PAPPA: variants seen among roughly 807,000 people sequenced by gnomAD.
PAPPA encodes the protein pappalysin 1.
Under a neutral mutation model 164.0 loss-of-function variants are expected in PAPPA, and 60 were observed. That is an observed-to-expected ratio of 0.37 (90% CI 0.30 to 0.45). PAPPA has a LOEUF of 0.45. Ranked by LOEUF, PAPPA falls within the 20% of genes least tolerant of loss-of-function variation. The pLI, the probability that PAPPA is intolerant of heterozygous loss-of-function variation, is 1.00. For synonymous variants in PAPPA, 875 were observed against 814.1 expected (o/e 1.07, Z -1.27); for missense variants, 1,782 against 2,087.3 (o/e 0.85, Z 2.85).
rs1843996981 is a variant in PAPPA, at chr9:116,187,989, C to G, written c.1251C>G (p.Ser417Arg). ...TCATCCTGGCCAACTGTGACATCAG[C>G]AAGATTGGGGATGAGAACTGTGACC... is the stretch of plus-strand genomic sequence containing the variant. ...RRLILANCDI[S>R]KIGDENCDPE... The change falls in exon 2 of 22, where the codon AGC (serine) becomes AGG (arginine). Residue 417 changes from serine (S) to arginine (R), a missense_variant. Transcript: ENST00000328252. This position sits in a 1 kb window ranked among gnomAD's most constrained non-coding sequence, Gnocchi z 4.2. 6.2e-7 allele frequency: 1 copy of G among 1,614,168 alleles called. No individual in the cohort carries two copies. Among genetic ancestry groups the G allele is most frequent in the Non-Finnish European group, 8.5e-7 (1 of 1,180,030 alleles).
chr9:116,174,891 G>A (rs1843813607), intron 1 of PAPPA, among the ~76,000 whole-genome samples: 1 of 152,082 alleles, frequency 6.6e-6, no homozygotes, highest in African/African-American at 2.4e-5. Flanking sequence ...AAGATTAATA[G>A]TGGCAAATTA....
At chr9:116,224,300 A>G (rs1320595937) in intron 5 of PAPPA, among the ~76,000 whole-genome samples, 2 of 152,164 alleles carry the variant, frequency 1.3e-5, no homozygotes, top group Non-Finnish European at 2.9e-5. Flanking sequence ...GGGTTGTTTC[A>G]GTTATCTGAC....
At chr9:116,310,839 T>C (rs963097705) in intron 10 of PAPPA, among the ~76,000 whole-genome samples, 5 of 152,166 alleles carry the variant, frequency 3.3e-5, no homozygotes, top group African/African-American at 1.2e-4. Flanking sequence ...TGTGAGACTT[T>C]AAGCAAGTCA....
intron 16 of PAPPA, 131 bp downstream of exon 16, chr9:116,353,047 G>C: frequency 1.3e-6 from 1 of 742,272 alleles, no homozygotes; most frequent in Non-Finnish European, 2.4e-6. Flanking sequence ...TCTGTTCTGT[G>C]AGAAGCTAGA....
At position 116,362,517 on chromosome 9, in the gene PAPPA, T is replaced by C. The variant is rs540591106; in HGVS notation, c.4348-75T>C. On this transcript the variant is annotated intron_variant, in intron 17 of 21. Transcript: ENST00000328252. Reference sequence around the variant, plus strand: ...TCTGGAGAGATGAAAAATTCTTTTCTGTTGTATTCAGAATAGCTTATTCAA... The same window carrying C: ...TCTGGAGAGATGAAAAATTCTTTTCCGTTGTATTCAGAATAGCTTATTCAA... 18 of 1,467,510 alleles carry C rather than the reference T, an allele frequency of 1.2e-5. No homozygotes were observed. In the African/African-American group the frequency reaches 2.0e-4, roughly 16 times the overall value. 90.9% of individuals were successfully genotyped at this position (1,467,510 alleles called of 1,614,324 possible). A position where few individuals can be genotyped will look rare whatever the true frequency, so the allele number is the denominator to read the frequency against.
At chr9:116,297,597 C>A (rs956773969) in intron 9 of PAPPA, among the ~76,000 whole-genome samples, 3 of 152,196 alleles carry the variant, frequency 2.0e-5, no homozygotes, top group Non-Finnish European at 2.9e-5. Context: ...GTGTTGAAAT[C>A]ATTCCAATGT....
chr9:116,186,206 A>ATGTGTGTGTGTG (rs3037575), intron 1 of PAPPA, among the ~76,000 whole-genome samples: 1 of 145,178 alleles, frequency 6.9e-6, no homozygotes, highest in African/African-American at 2.6e-5. Context: ...CACTCATTAT[A>ATGTGTGTGTGTG]TGTGTGTGTG....
At chr9:116,326,460 C>A (rs1022748060) in intron 10 of PAPPA, among the ~76,000 whole-genome samples, 4 of 152,108 alleles carry the variant, frequency 2.6e-5, no homozygotes, top group African/African-American at 9.7e-5. Context: ...GGTTTTCTGC[C>A]AATGTAGACA....
chr9:116,357,729 G>A (rs535776076), intron 17 of PAPPA, among the ~76,000 whole-genome samples: 56 of 152,310 alleles, frequency 3.7e-4, no homozygotes, highest in African/African-American at 1.3e-3. Flanking sequence ...ACATAGGCCT[G>A]TGGGGGCTTT....
At chr9:116,303,321 C>T (rs1311640666) in intron 10 of PAPPA, among the ~76,000 whole-genome samples, 1 of 152,152 alleles carries the variant, frequency 6.6e-6, no homozygotes, top group Admixed American at 6.5e-5. Context: ...AGTAATTATA[C>T]AGTAATTTGC....
intron 1 of PAPPA, among the ~76,000 whole-genome samples, chr9:116,182,440 G>A: frequency 6.6e-6 from 1 of 152,212 alleles, no homozygotes; most frequent in Non-Finnish European, 1.5e-5. Context: ...TCAGTGATGA[G>A]GCAGTTTTAG....
intron 7 of PAPPA, among the ~76,000 whole-genome samples, chr9:116,248,899 C>A (rs1024144258): frequency 2.6e-5 from 4 of 152,154 alleles, no homozygotes; most frequent in Non-Finnish European, 5.9e-5. Flanking sequence ...TTTCTTTTAA[C>A]TTCTAAGGTG....
intron 7 of PAPPA, among the ~76,000 whole-genome samples, chr9:116,264,877 A>G (rs978340901): frequency 1.3e-5 from 2 of 152,180 alleles, no homozygotes; most frequent in Admixed American, 1.3e-4. Flanking sequence ...ACATAAACAT[A>G]TATTTGCCTT....
At chr9:116,242,638 G>A (rs902382930) in intron 7 of PAPPA, among the ~76,000 whole-genome samples, 23 of 152,162 alleles carry the variant, frequency 1.5e-4, no homozygotes, top group Non-Finnish European at 2.1e-4. Context: ...GAGCATTCTC[G>A]TACAAACATC....
At position 116,207,537 on chromosome 9, in the gene PAPPA, C is replaced by T. The variant is rs774285315; in HGVS notation, c.1560C>T (p.Ser520=). ...STHLNIFFAK[S]SEEELAGVAT... ...ATCTCAATATTTTCTTTGCAAAATCCTCAGAGGAGGAGTTGGCAGGAGTAG... is the reference window on the plus strand; with the variant it reads ...ATCTCAATATTTTCTTTGCAAAATCTTCAGAGGAGGAGTTGGCAGGAGTAG... The change falls in exon 3 of 22, where the codon TCC becomes TCT. Residue 520 remains serine, a synonymous_variant. Coordinates refer to ENST00000328252, the MANE Select transcript of PAPPA (RefSeq NM_002581.5). 2.4e-5 allele frequency: 38 copies of T among 1,613,540 alleles called. No individual in the cohort carries two copies. The highest frequency in any genetic ancestry group is 3.1e-5 in the Non-Finnish European group (36 of 1,179,650).
intron 1 of PAPPA, among the ~76,000 whole-genome samples, chr9:116,176,840 A>G (rs983711935): frequency 6.6e-6 from 1 of 152,176 alleles, no homozygotes; most frequent in Non-Finnish European, 1.5e-5. Context: ...GGAGTTGACA[A>G]GATGAGCCAA....
At chr9:116,335,560 C>T (rs576562957) in intron 13 of PAPPA, among the ~76,000 whole-genome samples, 54 of 152,232 alleles carry the variant, frequency 3.5e-4, no homozygotes, top group Admixed American at 3.4e-3. Flanking sequence ...CTATGTCTTC[C>T]ACAAGCCTAG....
At chr9:116,327,588 GA>G (rs66461009) in intron 10 of PAPPA, among the ~76,000 whole-genome samples, 137,659 of 149,694 alleles carry the variant, frequency 0.92, 64,253 homozygotes, top group East Asian at 1. Flanking sequence ...TTTGGAAGGT[GA>G]AAAAAAAAAA....
intron 9 of PAPPA, among the ~76,000 whole-genome samples, chr9:116,291,444 A>G (rs1845434649): frequency 1.3e-5 from 2 of 152,128 alleles, no homozygotes; most frequent in Non-Finnish European, 2.9e-5. Flanking sequence ...TTTCATAAAA[A>G]TTTTTACATA....
Sources: allele counts gnomAD v4.1 joint callset (sites outside exome capture counted in the v4.1 genomes callset), GRCh38; gene constraint gnomAD v4.1.1; non-coding constraint Gnocchi (gnomAD v3.1); transcripts MANE v1.5; gene names NCBI Gene and HGNC (gene_info 2026-07-23, HGNC 2026-07-21).